The following XPO5 variants were observed in gnomAD, a reference collection of about 807,000 sequenced individuals.
XPO5 encodes the protein exportin 5, also known as exportin-5.
A neutral mutation model predicts 160.6 loss-of-function variants in XPO5; 46 were observed. The ratio of observed to expected loss-of-function variants is 0.29; its 90% confidence interval spans 0.23 to 0.37. XPO5 has a LOEUF of 0.37. Among genes scored for constraint, XPO5 ranks in the 10% least tolerant of loss-of-function variants. The probability of loss-of-function intolerance (pLI) is 1.00; values close to 1 mark genes in which losing one functional copy is unlikely to be tolerated. For synonymous variants in XPO5, 537 were observed against 519.3 expected (o/e 1.03, Z -0.46); for missense variants, 1,090 against 1,463.9 (o/e 0.74, Z 4.17).
intron 3 of XPO5, 74 bp from the exon 4 acceptor site, chr6:43,571,068 G>A: frequency 2.7e-6 from 4 of 1,496,052 alleles, no homozygotes; most frequent in Non-Finnish European, 3.6e-6. Context: ...CTGGGCTGTA[G>A]AGTTGTAAAA....
intron 7 of XPO5, among the ~76,000 whole-genome samples, 182 bp from the exon 8 acceptor site, chr6:43,565,918 T>C (rs1762673121): frequency 6.6e-6 from 1 of 152,242 alleles, no homozygotes; most frequent in Non-Finnish European, 1.5e-5. Context: ...ATATTTTTTC[T>C]CAAAACTATC....
chr6:43,526,070 T>TAATGCC, intron 27 of XPO5, 149 bp from the exon 28 acceptor site: 1 of 729,788 alleles, frequency 1.4e-6, no homozygotes, highest in Admixed American at 2.5e-5. Context: ...CACCTCCACA[T>TAATGCC]AATGCCCATG....
intron 1 of XPO5, among the ~76,000 whole-genome samples, 169 bp downstream of exon 1, chr6:43,575,591 G>A (rs1021981917): frequency 6.6e-6 from 1 of 152,252 alleles, no homozygotes; most frequent in Non-Finnish European, 1.5e-5. Flanking sequence ...AGAGAAGGCG[G>A]CGATTTGGGA....
rs1007414164 is a variant in XPO5, at chr6:43,575,754, A to G, written c.105+6T>C. ...GACCGGCCCAGGACGCCAGGACCCCAGCTACCTTGAGGGCTTCCAGCCGGT... is the reference window on the plus strand; with the variant it reads ...GACCGGCCCAGGACGCCAGGACCCCGGCTACCTTGAGGGCTTCCAGCCGGT... On this transcript the variant is annotated splice_donor_region_variant and intron_variant, in intron 1 of 31. Coordinates refer to ENST00000265351, the MANE Select transcript of XPO5 (RefSeq NM_020750.3). 2.5e-6 allele frequency: 4 copies of G among 1,611,150 alleles called. No homozygotes were observed. The highest frequency in any genetic ancestry group is 1.3e-5 in the African/African-American group (1 of 74,956).
chr6:43,550,598 G>T (rs530047273), intron 15 of XPO5, among the ~76,000 whole-genome samples: 1 of 152,220 alleles, frequency 6.6e-6, no homozygotes, highest in Admixed American at 6.5e-5. Flanking sequence ...ACTTTTAGTC[G>T]TGGGACTACT....
chr6:43,550,043 GCTTTAGC>G (rs1449205269), intron 15 of XPO5, 109 bp from the exon 16 acceptor site: 1 of 1,170,996 alleles, frequency 8.5e-7, no homozygotes, highest in Admixed American at 2.0e-5. Flanking sequence ...TGATTCTCCT[GCTTTAGC>G]CTTCTGAGTA....
intron 5 of XPO5, among the ~76,000 whole-genome samples, chr6:43,569,086 A>C (rs1762852252): frequency 6.6e-6 from 1 of 152,080 alleles, no homozygotes; most frequent in South Asian, 2.1e-4. Flanking sequence ...TGAGGTCAGG[A>C]GTTTGAGACC....
chr6:43,527,015 C>T (rs2127701048), intron 26 of XPO5: 1 of 418,244 alleles, frequency 2.4e-6, no homozygotes, highest in South Asian at 3.6e-5. Flanking sequence ...TTGATACATC[C>T]CTGGTCTACT....
chr6:43,561,975 C>T (rs538913038), intron 9 of XPO5: 1 of 280,486 alleles, frequency 3.6e-6, no homozygotes, highest in Admixed American at 5.0e-5. Flanking sequence ...TCTGTAAGTA[C>T]CAAAATTCAC....
intron 20 of XPO5, among the ~76,000 whole-genome samples, chr6:43,537,929 G>C (rs969447328): frequency 6.6e-6 from 1 of 151,482 alleles, no homozygotes; most frequent in Admixed American, 6.6e-5. Flanking sequence ...TTAGCCAGGC[G>C]TGGTGGCGCA....
chr6:43,549,687 A>G, intron 16 of XPO5, 109 bp from the exon 17 acceptor site: 1 of 1,358,196 alleles, frequency 7.4e-7, no homozygotes, highest in Non-Finnish European at 1.0e-6. Context: ...ATGATTTTTC[A>G]CAACCCTAAG....
rs748325364 is a variant in XPO5, at chr6:43,548,393, A to G, written c.1928T>C (p.Met643Thr). The G allele has an allele frequency of 1.2e-6, 2 of 1,612,720 alleles. No individual in the cohort carries two copies. Among genetic ancestry groups the G allele is most frequent in the African/African-American group, 2.7e-5 (2 of 74,882 alleles). ...GGCTTCCATGAGGGCACACTTCTCC[A>G]TTTGTGTCAGGAGTAGCTCATTGGA... ...LLSNELLLTQMEKCALMEALV... is the reference protein window; with the variant it reads ...LLSNELLLTQTEKCALMEALV... Residue 643 changes from methionine to threonine, a missense_variant, in exon 18 of 32, where the codon ATG (methionine) becomes ACG (threonine). This residue lies in a region of XPO5 where 810 missense variants were observed against 1,139.0 expected (regional missense o/e 0.71). Coordinates refer to ENST00000265351, the MANE Select transcript of XPO5 (RefSeq NM_020750.3).
At position 43,524,956 on chromosome 6, in the gene XPO5, T is replaced by A. The variant is rs754798315; in HGVS notation, c.3187A>T (p.Thr1063Ser). The change falls in exon 30 of 32, where the codon ACA becomes TCA. Residue 1063 changes from threonine to serine, a missense_variant. Thr to Ser is a moderately conservative substitution (Grantham distance 58, BLOSUM62 1). Around this residue, in one of 3 missense-constraint regions of XPO5, gnomAD observed 810 missense variants for 1,139.0 expected, o/e 0.71. Transcript: ENST00000265351. Reference sequence around the variant, plus strand: ...CACGTAACTGCATCTGCGAGCAGTGTCCCTGACAGCACCTGGGGAGACAAC... The same window carrying A: ...CACGTAACTGCATCTGCGAGCAGTGACCCTGACAGCACCTGGGGAGACAAC... ...WPLLKQVLSGTLLADAVTWLF... is the reference protein window; with the variant it reads ...WPLLKQVLSGSLLADAVTWLF... 1.9e-6 allele frequency: 3 copies of A among 1,613,438 alleles called. No individual in the cohort carries two copies. The highest frequency in any genetic ancestry group is 2.5e-6 in the Non-Finnish European group (3 of 1,179,792).
chr6:43,549,439 A>T (rs1795123372), intron 17 of XPO5, 50 bp downstream of exon 17: 1 of 1,533,818 alleles, frequency 6.5e-7, no homozygotes, highest in South Asian at 1.2e-5. Flanking sequence ...CTGGATTTAC[A>T]CACAAATGTA....
intron 27 of XPO5, chr6:43,526,207 A>T (rs1793577880): frequency 2.2e-6 from 1 of 446,130 alleles, no homozygotes; most frequent in African/African-American, 2.0e-5. Flanking sequence ...TGAGCACCAG[A>T]CACTGATTTA....
At chr6:43,527,065 AAG>A (rs928541500) in intron 26 of XPO5, 5 of 274,852 alleles carry the variant, frequency 1.8e-5, no homozygotes, top group African/African-American at 8.5e-5. Flanking sequence ...TAAAAATAAA[AAG>A]AAAATTAACA....
Position 43,563,147 on chromosome 6 carries a change from C to T in XPO5, c.912-801G>A, listed in dbSNP as rs118071052. Among the ~76,000 whole-genome samples, 17 of 151,882 alleles carry T rather than the reference C, an allele frequency of 1.1e-4. 1 individual carries two copies. The East Asian group carries it at 3.1e-3, about 28-fold the overall frequency. ...TAATATTTTTTCTTTTTTTTTGAGACACGATCTCGCTGTCACACCTAGGCT... is the reference window on the plus strand; with the variant it reads ...TAATATTTTTTCTTTTTTTTTGAGATACGATCTCGCTGTCACACCTAGGCT... On this transcript the variant is annotated intron_variant, in intron 8 of 31. Transcript: ENST00000265351.
In XPO5 at chr6:43,572,441, A is replaced by G. The variant is rs1270342349; in HGVS notation, c.300+65T>C. 5 of 1,507,010 alleles carry G rather than the reference A, an allele frequency of 3.3e-6. No individual in the cohort carries two copies. In the Admixed American group the frequency reaches 5.0e-5, roughly 15 times the overall value. The allele number at this position is 1,507,010 out of a possible 1,614,324, so 93.4% of individuals were successfully genotyped here. ...CAGTGAATTTTTACACAAACTCCCT[A>G]TTGAAGAAGTCACGCTTTGCCTAAA... On this transcript the variant is annotated intron_variant, in intron 3 of 31. Coordinates refer to ENST00000265351, the MANE Select transcript of XPO5 (RefSeq NM_020750.3).
intron 14 of XPO5, among the ~76,000 whole-genome samples, 172 bp from the exon 15 acceptor site, chr6:43,551,625 A>G (rs1201881772): frequency 6.6e-6 from 1 of 152,192 alleles, no homozygotes; most frequent in East Asian, 1.9e-4. Context: ...CTTGAGCTCA[A>G]GGGATCCTCC....
Sources: gnomAD v4.1 joint callset for allele counts (sites outside exome capture counted in the v4.1 genomes callset) on GRCh38, gnomAD v4.1.1 for gene constraint, gnomAD v4.1.1 regional missense constraint, MANE v1.5 for transcripts, NCBI Gene and HGNC (gene_info 2026-07-23, HGNC 2026-07-21) for gene names.